The following PDS5A variants were observed in gnomAD, a reference collection of about 807,000 sequenced individuals.
PDS5A encodes PDS5 cohesin associated factor A.
Under a neutral mutation model 167.1 loss-of-function variants are expected in PDS5A, and 42 were observed. The ratio of observed to expected loss-of-function variants is 0.25; its 90% CI spans 0.20 to 0.33. The LOEUF (loss-of-function observed/expected upper bound fraction) is 0.33. PDS5A is among the 10% of genes least tolerant of loss of function. The probability of loss-of-function intolerance (pLI) is 1.00; values close to 1 mark genes in which losing one functional copy is unlikely to be tolerated. For missense variants in PDS5A, 1,033 were observed against 1,605.9 expected (o/e 0.64, Z 6.10); for synonymous variants, 553 against 554.6 (o/e 1.00, Z 0.04).
intron 2 of PDS5A, among the ~76,000 whole-genome samples, chr4:39,959,375 T>C (rs887750985): frequency 4.6e-5 from 7 of 152,116 alleles, no homozygotes; most frequent in African/African-American, 1.7e-4. Context: ...TTGTTGGAGA[T>C]AGGTATCTCA....
chr4:39,947,634 C>A (rs537520077), intron 2 of PDS5A, among the ~76,000 whole-genome samples: 1 of 152,228 alleles, frequency 6.6e-6, no homozygotes, highest in East Asian at 1.9e-4. Context: ...AAAAATTGCA[C>A]AATAGTCTCA....
chr4:39,880,637 C>T (rs1720851054), intron 17 of PDS5A, among the ~76,000 whole-genome samples: 1 of 151,788 alleles, frequency 6.6e-6, no homozygotes, highest in Non-Finnish European at 1.5e-5. Flanking sequence ...ACCAAATATG[C>T]ATAGGATGCA....
In PDS5A at chr4:39,871,958, G is replaced by A. The variant is rs143633533; in HGVS notation, c.2436+1028C>T. On this transcript the variant is annotated intron_variant, in intron 21 of 32. Coordinates refer to ENST00000303538, the MANE Select transcript of PDS5A (RefSeq NM_001100399.2). ...TGACCTCAGGTGATCCACCCACCTC[G>A]GCCCCTCAAAGTGCTAGGATTACAG... is the stretch of plus-strand genomic sequence containing the variant. 3.7e-3 allele frequency among the ~76,000 whole-genome samples: 557 copies of A among 151,910 alleles called. 10 individuals carry two copies. The highest frequency in any genetic ancestry group is 0.026 in the Admixed American group (401 of 15,246).
intron 2 of PDS5A, among the ~76,000 whole-genome samples, chr4:39,937,807 T>C (rs368440582): frequency 6.6e-6 from 1 of 152,218 alleles, no homozygotes; most frequent in Non-Finnish European, 1.5e-5. Flanking sequence ...TTCAGTTAAG[T>C]AGAAGACATA....
chr4:39,869,838 G>A (rs1024516372), intron 21 of PDS5A, among the ~76,000 whole-genome samples: 12 of 152,168 alleles, frequency 7.9e-5, no homozygotes, highest in Admixed American at 5.2e-4. Context: ...CGGGTGCAGA[G>A]GGTCAAGCCT....
chr4:39,950,080 T>A (rs1476362094), intron 2 of PDS5A, among the ~76,000 whole-genome samples: 2 of 151,932 alleles, frequency 1.3e-5, no homozygotes, highest in Non-Finnish European at 2.9e-5. Flanking sequence ...TTATTTTCTA[T>A]GTTTTTAGTA....
Position 39,913,559 on chromosome 4 carries a change from C to T in PDS5A, c.992+52G>A. ...TATAGTTTTAATCAAGTGGACTGCACCCTACTGACTATTTTCTAAAATATA... is the reference window on the plus strand; with the variant it reads ...TATAGTTTTAATCAAGTGGACTGCATCCTACTGACTATTTTCTAAAATATA... On this transcript the variant is annotated intron_variant, in intron 9 of 32. Coordinates refer to ENST00000303538, the MANE Select transcript of PDS5A (RefSeq NM_001100399.2). 4.2e-6 allele frequency: 4 copies of T among 948,770 alleles called. 1 individual carries two copies. The highest frequency in any genetic ancestry group is 3.9e-5 in the South Asian group (3 of 77,660). 58.8% of individuals were successfully genotyped at this position (948,770 alleles called of 1,614,324 possible).
chr4:39,838,927 G>C (rs999853961), intron 31 of PDS5A, among the ~76,000 whole-genome samples: 1 of 151,894 alleles, frequency 6.6e-6, no homozygotes, highest in Non-Finnish European at 1.5e-5. Context: ...GCTGAGGCAG[G>C]AGAATAGCCG....
At chr4:39,954,566 C>A (rs978509888) in intron 2 of PDS5A, among the ~76,000 whole-genome samples, 8 of 151,590 alleles carry the variant, frequency 5.3e-5, no homozygotes, top group African/African-American at 1.9e-4. Context: ...GGTGATCCAC[C>A]CGCCTTGGCC....
intron 7 of PDS5A, among the ~76,000 whole-genome samples, chr4:39,918,318 A>G (rs1724593498): frequency 6.6e-6 from 1 of 151,548 alleles, no homozygotes; most frequent in Non-Finnish European, 1.5e-5. Context: ...TTTGACTCGC[A>G]TGACAAAAAG....
At chr4:39,848,712 C>G in intron 28 of PDS5A, 139 bp downstream of exon 28, 2 of 686,360 alleles carry the variant, frequency 2.9e-6, no homozygotes, top group Non-Finnish European at 5.1e-6. Flanking sequence ...CTGTGTAAGA[C>G]AATTTCCCAC....
chr4:39,888,717 G>A (rs1358679752), intron 17 of PDS5A, among the ~76,000 whole-genome samples: 2 of 150,778 alleles, frequency 1.3e-5, no homozygotes, highest in Non-Finnish European at 2.9e-5. Flanking sequence ...TTGCATATTC[G>A]CAGTCATATT....
At chr4:39,904,830 G>A (rs1294971524) in intron 11 of PDS5A, among the ~76,000 whole-genome samples, 4 of 152,116 alleles carry the variant, frequency 2.6e-5, no homozygotes, top group Non-Finnish European at 2.9e-5. Flanking sequence ...TATTTCCCTT[G>A]AAAACTATTA....
chr4:39,864,711 G>C (rs533644816), intron 23 of PDS5A, among the ~76,000 whole-genome samples: 1 of 152,176 alleles, frequency 6.6e-6, no homozygotes, highest in Non-Finnish European at 1.5e-5. Context: ...ATTCATTCAG[G>C]AATCAAAGTT....
chr4:39,924,107 C>A (rs1725254500), intron 5 of PDS5A, among the ~76,000 whole-genome samples: 1 of 152,112 alleles, frequency 6.6e-6, no homozygotes, highest in African/African-American at 2.4e-5. Flanking sequence ...TACTTTTGAA[C>A]CCAGTCAGCA....
At chr4:39,890,137 A>C (rs1721836712) in intron 17 of PDS5A, 112 bp downstream of exon 17, 1 of 597,960 alleles carries the variant, frequency 1.7e-6, no homozygotes, top group African/African-American at 1.9e-5. Context: ...CCTGTGATTA[A>C]AAAGAGACAT....
chr4:39,938,780 G>A (rs527712079), intron 2 of PDS5A, among the ~76,000 whole-genome samples: 10 of 151,354 alleles, frequency 6.6e-5, no homozygotes, highest in Admixed American at 6.6e-4. Flanking sequence ...GACCATCCTG[G>A]CCAACATGGT....
At chr4:39,965,803 G>A (rs1429726315) in intron 2 of PDS5A, among the ~76,000 whole-genome samples, 2 of 152,200 alleles carry the variant, frequency 1.3e-5, no homozygotes, top group Admixed American at 6.6e-5. Context: ...GAGGAGTTAA[G>A]AGTTTAATGG....
Position 39,898,372 on chromosome 4 carries a change from A to C in PDS5A, c.1770+17T>G, listed in dbSNP as rs1055925069. 6.5e-7 allele frequency: 1 copy of C among 1,532,424 alleles called. No individual in the cohort carries two copies. The highest frequency in any genetic ancestry group is 1.4e-5 in the African/African-American group (1 of 72,352). 94.9% of individuals were successfully genotyped at this position (1,532,424 alleles called of 1,614,324 possible). A position where few individuals can be genotyped will look rare whatever the true frequency, so the allele number is the denominator to read the frequency against. On this transcript the variant is annotated intron_variant, in intron 16 of 32. Coordinates refer to ENST00000303538, the MANE Select transcript of PDS5A (RefSeq NM_001100399.2). ...TAAGTAAAGCTAGAGAAAAAGTGTG[A>C]AGTATGATTTACTAACCACACAAAT...
Sources: gnomAD v4.1 joint callset for allele counts (sites outside exome capture counted in the v4.1 genomes callset) on GRCh38, gnomAD v4.1.1 for gene constraint, MANE v1.5 for transcripts, NCBI Gene and HGNC (gene_info 2026-07-23, HGNC 2026-07-21) for gene names.